The following CCPG1 variants were observed in gnomAD, a reference collection of about 807,000 sequenced individuals.
CCPG1 encodes the protein cell cycle progression 1.
A neutral mutation model predicts 81.3 loss-of-function variants in CCPG1; 46 were observed. That is an observed-to-expected ratio of 0.57 (90% CI 0.45 to 0.72). CCPG1 has a LOEUF of 0.72. Among genes scored for constraint, CCPG1 ranks in the 30% least tolerant of loss-of-function variants. The pLI, the probability that CCPG1 is intolerant of heterozygous loss-of-function variation, is 0.00. For synonymous variants in CCPG1, 330 were observed against 305.2 expected (o/e 1.08, Z -0.85); for missense variants, 902 against 937.6 (o/e 0.96, Z 0.50).
chr15:55,362,547 G>C (rs78640141), intron 7 of CCPG1, among the ~76,000 whole-genome samples: 2 of 152,188 alleles, frequency 1.3e-5, no homozygotes, highest in African/African-American at 4.8e-5. Flanking sequence ...TGGAGTAGAA[G>C]AGACTGATGC....
At chr15:55,387,402 G>T (rs2056821702) in intron 2 of CCPG1, among the ~76,000 whole-genome samples, 1 of 152,112 alleles carries the variant, frequency 6.6e-6, no homozygotes, top group South Asian at 2.1e-4. Flanking sequence ...TTAAAAAGAA[G>T]AATCATCTCA....
rs1475495644 is a variant in CCPG1 at position 55,360,727 on chromosome 15, TTAAC to T, written c.1042_1045del (p.Val348LysfsTer28). ...ATGCTGCTTAAGTTTCTGATTTTCTTTAACTAATTCAGTACTTGTCCCTTTATCT... is the reference window on the plus strand; with the variant it reads ...ATGCTGCTTAAGTTTCTGATTTTCTTTAATTCAGTACTTGTCCCTTTATCT... On this transcript the variant is annotated frameshift_variant, in exon 8 of 9. Coordinates refer to ENST00000442196, the MANE Select transcript of CCPG1 (RefSeq NM_001204450.2). LOFTEE classifies it high-confidence loss of function. 5 of 1,611,938 alleles carry T rather than the reference TTAAC, an allele frequency of 3.1e-6. No individual in the cohort carries two copies. Among genetic ancestry groups the T allele is most frequent in the East Asian group, 2.2e-5 (1 of 44,878 alleles).
intron 2 of CCPG1, 84 bp downstream of exon 2, chr15:55,389,281 A>G: frequency 1.0e-6 from 1 of 987,790 alleles, no homozygotes. Flanking sequence ...AGGTAGAAAA[A>G]GACTGATCTT....
At chr15:55,395,773 T>A in intron 1 of CCPG1, among the ~76,000 whole-genome samples, 1 of 152,246 alleles carries the variant, frequency 6.6e-6, no homozygotes, top group East Asian at 1.9e-4. Context: ...CCAACACATA[T>A]TGAATGAATG....
At chr15:55,356,599 A>T in intron 8 of CCPG1, 190 bp from the exon 9 acceptor site, 1 of 1,238,816 alleles carries the variant, frequency 8.1e-7, no homozygotes, top group Non-Finnish European at 1.0e-6. Context: ...TCCTATAGAA[A>T]GAAAAAATAG....
intron 3 of CCPG1, among the ~76,000 whole-genome samples, chr15:55,380,160 T>A (rs2056652493): frequency 6.7e-6 from 1 of 150,300 alleles, no homozygotes; most frequent in Non-Finnish European, 1.5e-5. Flanking sequence ...TAATATAACA[T>A]ATAAATTTAT....
At chr15:55,384,152 T>C (rs1242323774) in intron 3 of CCPG1, among the ~76,000 whole-genome samples, 1 of 152,102 alleles carries the variant, frequency 6.6e-6, no homozygotes, top group Non-Finnish European at 1.5e-5. Flanking sequence ...ATTTCAATAT[T>C]GTTGTTGTCT....
chr15:55,357,348 T>G (rs2056101682), intron 8 of CCPG1: 1 of 985,200 alleles, frequency 1.0e-6, no homozygotes, highest in African/African-American at 1.7e-5. Flanking sequence ...CCTCTCCTAC[T>G]AGTATAGTCC....
chr15:55,400,062 GC>G (rs1359902866), intron 1 of CCPG1: 2 of 151,204 alleles, frequency 1.3e-5, no homozygotes, highest in African/African-American at 4.9e-5. Flanking sequence ...AATTAGCTAG[GC>G]CCACATAGTG....
rs1359752560 is a variant in CCPG1, at chr15:55,377,159, T to C, written c.253-9A>G. On this transcript the variant is annotated splice_polypyrimidine_tract_variant and intron_variant, in intron 4 of 8. Coordinates refer to ENST00000442196, the MANE Select transcript of CCPG1 (RefSeq NM_001204450.2). The stretch of plus-strand genomic sequence containing the variant: ...ATCTTTTGTTCCTCTGCCTGAAGAA[T>C]CATAATTTTAGAGATGGTAAGTTCA... 1 of 1,598,396 alleles carries C rather than the reference T, an allele frequency of 6.3e-7. No individual in the cohort carries two copies. The highest frequency in any genetic ancestry group is 2.2e-5 in the East Asian group (1 of 44,790).
intron 7 of CCPG1, 81 bp from the exon 8 acceptor site, chr15:55,361,025 C>T: frequency 7.3e-7 from 1 of 1,375,736 alleles, no homozygotes; most frequent in Non-Finnish European, 9.5e-7. Flanking sequence ...TATAATACCC[C>T]ATAAGCTTTT....
chr15:55,374,225 C>A, intron 5 of CCPG1: 1 of 1,288,754 alleles, frequency 7.8e-7, no homozygotes, highest in African/African-American at 1.5e-5. Context: ...ACTCAGGAAT[C>A]TTCCACAGCT....
At chr15:55,407,241 A>AT (rs1555411295) in intron 1 of CCPG1, among the ~76,000 whole-genome samples, 14 of 151,600 alleles carry the variant, frequency 9.2e-5, no homozygotes, top group Non-Finnish European at 1.0e-4. Flanking sequence ...AAAAAAAAAA[A>AT]ATATGAATTA....
chr15:55,371,295 ACT>A (rs1566970823), intron 6 of CCPG1, among the ~76,000 whole-genome samples: 1 of 152,334 alleles, frequency 6.6e-6, no homozygotes, highest in Non-Finnish European at 1.5e-5. Flanking sequence ...AAGATGACAA[ACT>A]CTCAATTCAT....
intron 5 of CCPG1, among the ~76,000 whole-genome samples, chr15:55,374,518 G>A (rs1334500583): frequency 6.6e-6 from 1 of 151,814 alleles, no homozygotes; most frequent in Admixed American, 6.6e-5. Flanking sequence ...ATATAAGTCA[G>A]GAGAAGAAAA....
chr15:55,376,456 A>G lies in CCPG1; in HGVS notation c.454+493T>C, dbSNP rs556221959. 2.0e-5 allele frequency among the ~76,000 whole-genome samples: 3 copies of G among 152,364 alleles called. No individual in the cohort carries two copies. In the South Asian group the frequency reaches 6.2e-4, roughly 32 times the overall value. On this transcript the variant is annotated intron_variant, in intron 5 of 8. Transcript: ENST00000442196. ...AAGATCTGAAGGTCACGAGCTTTGG[A>G]AGACTAGCTGTATTGATAGCACCTT...
intron 6 of CCPG1, among the ~76,000 whole-genome samples, chr15:55,367,578 C>G (rs1168887572): frequency 1.3e-5 from 2 of 151,418 alleles, no homozygotes; most frequent in Non-Finnish European, 2.9e-5. Context: ...ATCAGAGCTT[C>G]TAGCCAACAC....
intron 1 of CCPG1, among the ~76,000 whole-genome samples, chr15:55,390,141 C>A (rs528531565): frequency 5.9e-5 from 9 of 152,270 alleles, no homozygotes; most frequent in Non-Finnish European, 1.3e-4. Context: ...CCAGGCTGGT[C>A]GCGAACTCCT....
rs572580053 is a variant in CCPG1 at position 55,406,934 on chromosome 15, C to T, written c.-10+1287G>A. Among the ~76,000 whole-genome samples the T allele has an allele frequency of 2.0e-5, 3 of 151,916 alleles. No homozygotes were observed. In the East Asian group the frequency reaches 5.8e-4, roughly 30 times the overall value. Reference sequence around the variant, plus strand: ...TAAAAGGTTAAAAATTATGAATTAACGCCCGCGCGGTGGGTCACGCCTGTA... The same window carrying T: ...TAAAAGGTTAAAAATTATGAATTAATGCCCGCGCGGTGGGTCACGCCTGTA... On this transcript the variant is annotated intron_variant, in intron 1 of 8. Transcript: ENST00000442196.
Sources: allele counts gnomAD v4.1 joint callset (sites outside exome capture counted in the v4.1 genomes callset), GRCh38; gene constraint gnomAD v4.1.1; transcripts MANE v1.5; gene names NCBI Gene and HGNC (gene_info 2026-07-23, HGNC 2026-07-21).